Variants in KIAA1549L observed in about 807,000 individuals in gnomAD.
KIAA1549L encodes the protein UPF0606 protein KIAA1549L.
KIAA1549L carries 88 observed loss-of-function variants against 160.7 expected under a neutral mutation model. That is an observed-to-expected ratio of 0.55 (90% CI 0.46 to 0.65). The LOEUF (loss-of-function observed/expected upper bound fraction) is 0.65. Among genes scored for constraint, KIAA1549L ranks in the 30% least tolerant of loss-of-function variants. The pLI is 0.00. For synonymous variants in KIAA1549L, 950 were observed against 976.7 expected (o/e 0.97, Z 0.51); for missense variants, 2,258 against 2,437.5 (o/e 0.93, Z 1.55).
chr11:33,521,344 C>G (rs561148874), intron 1 of KIAA1549L, among the ~76,000 whole-genome samples: 1 of 152,326 alleles, frequency 6.6e-6, no homozygotes, highest in Non-Finnish European at 1.5e-5. Flanking sequence ...ACAGCTCCAC[C>G]ACTTACTTAC....
At chr11:33,412,896 G>A (rs562621670) in intron 1 of KIAA1549L, among the ~76,000 whole-genome samples, 8 of 152,316 alleles carry the variant, frequency 5.3e-5, no homozygotes, top group African/African-American at 1.9e-4. Context: ...TAAATAACTT[G>A]CCTGAGCTAG....
Position 33,581,086 on chromosome 11 carries a change from G to A in KIAA1549L, c.4403-2252G>A, listed in dbSNP as rs143052332. 4.1e-3 allele frequency among the ~76,000 whole-genome samples: 617 copies of A among 152,278 alleles called. 1 individual carries two copies. Among genetic ancestry groups the A allele is most frequent in the Non-Finnish European group, 6.6e-3 (446 of 68,014 alleles). On this transcript the variant is annotated intron_variant, in intron 10 of 20. Coordinates refer to ENST00000658780, the MANE Select transcript of KIAA1549L (RefSeq NM_012194.3). ...CAGAGTCGTAGCTGTGAGGTCAGAG[G>A]CACAGAAGAGCGGCCATGGTCACTA...
Position 33,628,973 on chromosome 11 carries a change from C to A in KIAA1549L, c.5409+10311C>A, listed in dbSNP as rs576597843. 1.7e-3 allele frequency among the ~76,000 whole-genome samples: 259 copies of A among 151,574 alleles called. 2 individuals carry two copies. The highest frequency in any genetic ancestry group is 5.9e-3 in the African/African-American group (241 of 40,960). ...GCTTCCTTCAGGAGCTCTTTTAGGG[C>A]AGGCCTGGTGGTGACAAAAGCTCTC... On this transcript the variant is annotated intron_variant, in intron 16 of 20. Transcript: ENST00000658780.
intron 1 of KIAA1549L, among the ~76,000 whole-genome samples, chr11:33,424,208 A>G (rs1434870220): frequency 6.6e-6 from 1 of 152,192 alleles, no homozygotes; most frequent in Non-Finnish European, 1.5e-5. Flanking sequence ...TGTGATGCTC[A>G]AGGCAGTTTG....
intron 6 of KIAA1549L, among the ~76,000 whole-genome samples, chr11:33,554,045 A>G (rs1854563209): frequency 1.3e-5 from 2 of 152,102 alleles, no homozygotes; most frequent in African/African-American, 4.8e-5. Context: ...CCCTGTTTCC[A>G]TTTTTGCCTC....
chr11:33,431,063 A>G (rs1009902473), intron 1 of KIAA1549L, among the ~76,000 whole-genome samples: 1 of 152,026 alleles, frequency 6.6e-6, no homozygotes, highest in Non-Finnish European at 1.5e-5. Context: ...GTGAAGCTGC[A>G]GACCTTTGCG....
intron 1 of KIAA1549L, among the ~76,000 whole-genome samples, chr11:33,504,260 TA>T (rs545718717): frequency 1.7e-3 from 248 of 147,164 alleles, no homozygotes; most frequent in African/African-American, 4.0e-3. Flanking sequence ...GACTCTGTCT[TA>T]AAAAAAAAAA....
chr11:33,666,360 C>T (rs1352987518), intron 20 of KIAA1549L, among the ~76,000 whole-genome samples: 1 of 152,212 alleles, frequency 6.6e-6, no homozygotes, highest in South Asian at 2.1e-4. Flanking sequence ...ATCAGTACGC[C>T]CATACATTTT....
intron 10 of KIAA1549L, among the ~76,000 whole-genome samples, chr11:33,581,112 G>C (rs2133262851): frequency 6.6e-6 from 1 of 152,296 alleles, no homozygotes; most frequent in Non-Finnish European, 1.5e-5. Context: ...ATGGTCACTA[G>C]GGCCTCACGG....
At chr11:33,470,991 T>A (rs140378752) in intron 1 of KIAA1549L, among the ~76,000 whole-genome samples, 1 of 152,108 alleles carries the variant, frequency 6.6e-6, no homozygotes, top group Non-Finnish European at 1.5e-5. Flanking sequence ...ATAAGTTTCT[T>A]GCATTTTTTT....
rs138775051 is a variant in KIAA1549L, at chr11:33,598,229, T to TGTGTGTGTGTGTCTGA, written c.4752-591_4752-590insGTGTGTGTGTGTCTGA. ...GTGTGTGTGTGTGTGTGTGTGTGTGTCAGAGTGAAGCCCCTAGTGATGGGG... is the reference window on the plus strand; with the variant it reads ...GTGTGTGTGTGTGTGTGTGTGTGTGTGTGTGTGTGTGTCTGACAGAGTGAAGCCCCTAGTGATGGGG... On this transcript the variant is annotated intron_variant, in intron 12 of 20. Transcript: ENST00000658780. Among the ~76,000 whole-genome samples, 439 of 148,058 alleles carry TGTGTGTGTGTGTCTGA rather than the reference T, an allele frequency of 3.0e-3. 2 individuals are homozygous for TGTGTGTGTGTGTCTGA. The highest frequency in any genetic ancestry group is 7.4e-3 in the African/African-American group (294 of 39,772).
chr11:33,526,838 G>A (rs1853624475), intron 1 of KIAA1549L, among the ~76,000 whole-genome samples: 2 of 152,130 alleles, frequency 1.3e-5, no homozygotes, highest in South Asian at 4.1e-4. Flanking sequence ...AAGTCAGAAA[G>A]TTGATTATTA....
At chr11:33,470,960 AG>A (rs1852166406) in intron 1 of KIAA1549L, among the ~76,000 whole-genome samples, 1 of 152,066 alleles carries the variant, frequency 6.6e-6, no homozygotes, top group African/African-American at 2.4e-5. Flanking sequence ...AGTGTGATTT[AG>A]TGATTTGTTA....
At chr11:33,407,472 G>A (rs551785158) in intron 1 of KIAA1549L, among the ~76,000 whole-genome samples, 3 of 152,034 alleles carry the variant, frequency 2.0e-5, no homozygotes, top group Non-Finnish European at 4.4e-5. Context: ...CTGCAAGCCT[G>A]CGAGTAGCTG....
intron 1 of KIAA1549L, among the ~76,000 whole-genome samples, chr11:33,477,520 AACACAC>A (rs57378048): frequency 1.4e-5 from 2 of 146,912 alleles, no homozygotes; most frequent in South Asian, 2.1e-4. Flanking sequence ...CACACACACA[AACACAC>A]ACACACACAC....
At chr11:33,618,326 C>G (rs1850873596) in intron 15 of KIAA1549L, among the ~76,000 whole-genome samples, 1 of 151,942 alleles carries the variant, frequency 6.6e-6, no homozygotes, top group African/African-American at 2.4e-5. Flanking sequence ...CTTAACAATT[C>G]AGCCAAATGA....
At chr11:33,650,651 C>T (rs899112623) in intron 17 of KIAA1549L, among the ~76,000 whole-genome samples, 5 of 152,162 alleles carry the variant, frequency 3.3e-5, no homozygotes, top group African/African-American at 1.2e-4. Context: ...CACGCCGTCA[C>T]CAGATTCTTC....
At chr11:33,566,888 C>T (rs1164933434) in intron 8 of KIAA1549L, among the ~76,000 whole-genome samples, 1 of 152,216 alleles carries the variant, frequency 6.6e-6, no homozygotes, top group Non-Finnish European at 1.5e-5. Flanking sequence ...CTTCCCAGCC[C>T]TTTCAAGTTT....
intron 12 of KIAA1549L, among the ~76,000 whole-genome samples, chr11:33,598,539 A>C (rs1850268878): frequency 6.6e-6 from 1 of 152,096 alleles, no homozygotes; most frequent in Admixed American, 6.5e-5. Context: ...TCCCATAGTC[A>C]CGGCGGGTGG....
Sources: gnomAD v4.1 joint callset for allele counts (sites outside exome capture counted in the v4.1 genomes callset) on GRCh38, gnomAD v4.1.1 for gene constraint, MANE v1.5 for transcripts, NCBI Gene and HGNC (gene_info 2026-07-23, HGNC 2026-07-21) for gene names.